The following SEC14L4 variants were observed in gnomAD, a reference collection of about 807,000 sequenced individuals.
The protein encoded by SEC14L4 is SEC14-like protein 4.
SEC14L4 carries 42 observed loss-of-function variants against 55.1 expected under a neutral mutation model. That is an observed-to-expected ratio of 0.76 (90% CI 0.60 to 0.99). The LOEUF (loss-of-function observed/expected upper bound fraction) is 0.99. Among genes scored for constraint, SEC14L4 ranks in the 50% least tolerant of loss-of-function variants. The pLI is 0.00. For missense variants in SEC14L4, 445 were observed against 512.1 expected, an observed-to-expected ratio of 0.87 and a Z score of 1.27; for synonymous variants, 206 against 206.8, an observed-to-expected ratio of 1.00 and a Z score of 0.03.
rs1403331368 is a variant in SEC14L4, at chr22:30,490,022, C to T, written c.*85G>A. On this transcript the variant is annotated 3_prime_UTR_variant, in exon 12 of 12. Transcript: ENST00000255858. ...GACAAGTGGCTCTCTGCAGCCACCTCCAGCACCACCCTGCCTGGGAAGGCA... is the reference window on the plus strand; with the variant it reads ...GACAAGTGGCTCTCTGCAGCCACCTTCAGCACCACCCTGCCTGGGAAGGCA... The T allele has an allele frequency of 2.5e-6, 4 of 1,582,288 alleles. No homozygotes were observed. The highest frequency in any genetic ancestry group is 3.4e-6 in the Non-Finnish European group (4 of 1,163,014).
chr22:30,504,799 G>C (rs958739344), intron 1 of SEC14L4, among the ~76,000 whole-genome samples: 3 of 152,168 alleles, frequency 2.0e-5, no homozygotes, highest in Non-Finnish European at 2.9e-5. Flanking sequence ...GTTTGAAGGT[G>C]AATCTGTGAA....
At position 30,491,218 on chromosome 22, in the gene SEC14L4, C is replaced by G. The variant is rs957086470; in HGVS notation, c.1081+355G>C. 2.6e-5 allele frequency among the ~76,000 whole-genome samples: 4 copies of G among 152,160 alleles called. 1 individual carries two copies. The highest frequency in any genetic ancestry group is 5.9e-5 in the Non-Finnish European group (4 of 68,024). On this transcript the variant is annotated intron_variant, in intron 11 of 11. Coordinates refer to ENST00000255858, the MANE Select transcript of SEC14L4 (RefSeq NM_174977.4). ...ATGATAAGCACCTGGAGGAAGTCAC[C>G]TCTTTGGGACTCCTGGAGTGGGGTG... is the stretch of plus-strand genomic sequence containing the variant.
At chr22:30,494,237 G>A in intron 6 of SEC14L4, 27 bp from the exon 7 acceptor site, 7 of 1,597,726 alleles carry the variant, frequency 4.4e-6, no homozygotes, top group African/African-American at 1.3e-5. Flanking sequence ...AGTCTGGTTG[G>A]GGCTCTGTTC....
intron 11 of SEC14L4, among the ~76,000 whole-genome samples, chr22:30,490,865 G>T (rs1341640786): frequency 6.6e-6 from 1 of 152,164 alleles, no homozygotes; most frequent in African/African-American, 2.4e-5. Flanking sequence ...TGCTACCCCA[G>T]GAGGAATGGG....
Position 30,492,468 on chromosome 22 carries a change from G to T in SEC14L4, c.664+6C>A. ...ATGGACACAACCAGGGGGCCACGTC[G>T]CTCACCTCCCAGAATCACAATCTTC... On this transcript the variant is annotated splice_donor_region_variant and intron_variant, in intron 8 of 11. Coordinates refer to ENST00000255858, the MANE Select transcript of SEC14L4 (RefSeq NM_174977.4). 2 of 1,611,796 alleles carry T rather than the reference G, an allele frequency of 1.2e-6. No individual in the cohort carries two copies. The highest frequency in any genetic ancestry group is 1.7e-6 in the Non-Finnish European group (2 of 1,177,936).
At position 30,490,073 on chromosome 22, in the gene SEC14L4, G is replaced by T. The variant is rs765346415; in HGVS notation, c.*34C>A. 6.2e-7 allele frequency: 1 copy of T among 1,609,550 alleles called. No homozygotes were observed. The highest frequency in any genetic ancestry group is 1.1e-5 in the South Asian group (1 of 90,460). On this transcript the variant is annotated 3_prime_UTR_variant, in exon 12 of 12. Transcript: ENST00000255858. ...GGGGTCAGAGGGGTGGGTGTGAAGGGGTTGGAGTGCACAGGTAGAGGTGGC... is the reference window on the plus strand; with the variant it reads ...GGGGTCAGAGGGGTGGGTGTGAAGGTGTTGGAGTGCACAGGTAGAGGTGGC...
At chr22:30,491,548 T>C (rs752745537) in intron 11 of SEC14L4, 25 bp downstream of exon 11, 1 of 1,613,024 alleles carries the variant, frequency 6.2e-7, no homozygotes, top group Non-Finnish European at 8.5e-7. Flanking sequence ...GGGAAAACAA[T>C]TCCAGTAAAC....
chr22:30,501,611 A>G (rs980469158), intron 2 of SEC14L4, among the ~76,000 whole-genome samples: 7 of 152,122 alleles, frequency 4.6e-5, no homozygotes, highest in African/African-American at 1.7e-4. Flanking sequence ...GGATCCTGGA[A>G]GAGAAAAATG....
chr22:30,496,124 T>C (rs9608945), intron 2 of SEC14L4, among the ~76,000 whole-genome samples, 153 bp from the exon 3 acceptor site: 5,602 of 152,196 alleles, frequency 0.037, 153 homozygotes, highest in Non-Finnish European at 0.064. Flanking sequence ...TGTTTGTTTG[T>C]GTGTTTATTT....
chr22:30,501,846 C>CACATATATATATATATATATAT (rs1371947748), intron 2 of SEC14L4, among the ~76,000 whole-genome samples: 2 of 111,906 alleles, frequency 1.8e-5, no homozygotes, highest in African/African-American at 7.1e-5. Context: ...CACACACGCA[C>CACATATATATATATATATATAT]ATATATATAT....
In SEC14L4 at chr22:30,503,749, G is replaced by A. The variant is rs1353183466; in HGVS notation, c.58C>T (p.Arg20Trp). The A allele has an allele frequency of 9.3e-6, 15 of 1,610,988 alleles. No homozygotes were observed. The highest frequency in any genetic ancestry group is 5.0e-5 in the Admixed American group (3 of 59,906). Residue 20 changes from arginine to tryptophan, a missense_variant, in exon 2 of 12, where the codon CGG becomes TGG. Transcript: ENST00000255858. ...PQQQEALARF[R>W]ENLQDLLPIL... ...GGCAGCAGGTCCTGGAGGTTCTCCCGGAACTGAGCGGAGGAGGATCTGATG... is the reference window on the plus strand; with the variant it reads ...GGCAGCAGGTCCTGGAGGTTCTCCCAGAACTGAGCGGAGGAGGATCTGATG...
At chr22:30,503,845 C>G in intron 1 of SEC14L4, 93 bp from the exon 2 acceptor site, 1 of 923,748 alleles carries the variant, frequency 1.1e-6, no homozygotes, top group South Asian at 1.4e-5. Flanking sequence ...ATCCACCAGT[C>G]AACTCCACCA....
chr22:30,491,900 C>A lies in SEC14L4; in HGVS notation c.845G>T (p.Arg282Met). Residue 282 changes from arginine to methionine, a missense_variant, in exon 10 of 12, where the codon AGG becomes ATG. Transcript: ENST00000255858. ...CAGGGAGGAGCCGCGGCCCACGGAC[C>A]TCGTGTGCTCATACTGCAGCCTCAC... ...EQVRLQYEHT[R>M]SVGRGSSLQV... The A allele has an allele frequency of 6.2e-7, 1 of 1,613,706 alleles. No individual in the cohort carries two copies. Among genetic ancestry groups the A allele is most frequent in the Non-Finnish European group, 8.5e-7 (1 of 1,179,980 alleles).
rs1007964245 is a variant in SEC14L4 at position 30,492,564 on chromosome 22, C to T, written c.581-7G>A. 1.2e-6 allele frequency: 2 copies of T among 1,609,332 alleles called. No individual in the cohort carries two copies. The highest frequency in any genetic ancestry group is 1.7e-6 in the Non-Finnish European group (2 of 1,175,742). ...ACGGGGAACAGTTTTGGGGCTGAAA[C>T]ACATGTAAATCTCTTGAGAAGCTGG... On this transcript the variant is annotated splice_region_variant and splice_polypyrimidine_tract_variant and intron_variant, in intron 7 of 11. Coordinates refer to ENST00000255858, the MANE Select transcript of SEC14L4 (RefSeq NM_174977.4).
In SEC14L4 at chr22:30,505,680, G is replaced by T; in HGVS notation, c.-69C>A. 1.4e-6 allele frequency: 2 copies of T among 1,429,384 alleles called. No individual in the cohort carries two copies. The highest frequency in any genetic ancestry group is 1.9e-6 in the Non-Finnish European group (2 of 1,065,820). 88.5% of individuals were successfully genotyped at this position (1,429,384 alleles called of 1,614,324 possible). On this transcript the variant is annotated 5_prime_UTR_variant, in exon 1 of 12. Transcript: ENST00000255858. ...CCCGCCGCCGCCTGGCCTTGTATCC[G>T]CTGCCGCCTGGTTGTGCCTCCTGGG...
chr22:30,495,114 G>T, intron 5 of SEC14L4, 140 bp downstream of exon 5: 2 of 967,700 alleles, frequency 2.1e-6, no homozygotes, highest in Non-Finnish European at 3.0e-6. Flanking sequence ...TCACTTTTAC[G>T]GGTGGGTAAG....
Position 30,503,667 on chromosome 22 carries a change from C to A in SEC14L4, c.130+10G>T. 1 of 1,605,680 alleles carries A rather than the reference C, an allele frequency of 6.2e-7. No homozygotes were observed. Among genetic ancestry groups the A allele is most frequent in the Non-Finnish European group, 8.5e-7 (1 of 1,173,122 alleles). ...CCCTTTCTGCGTCCCCTGACCCCTG[C>A]AAGCCTCACCTCGCAGCCAGCGCAG... On this transcript the variant is annotated intron_variant, in intron 2 of 11. Transcript: ENST00000255858.
intron 2 of SEC14L4, among the ~76,000 whole-genome samples, chr22:30,501,878 T>TATAC (rs1252400924): frequency 6.4e-5 from 9 of 139,678 alleles, no homozygotes; most frequent in African/African-American, 2.4e-4. Context: ...TATATATACA[T>TATAC]ACACATACTT....
In SEC14L4 at chr22:30,492,518, G is replaced by A. The variant is rs145618105; in HGVS notation, c.620C>T (p.Ser207Leu). 455 of 1,613,994 alleles carry A rather than the reference G, an allele frequency of 2.8e-4. 2 individuals carry two copies. The African/African-American group carries it at 5.5e-3, about 20-fold the overall frequency. ...CCTGCGTGTCTCCTCACTCATGAAC[G>A]ACTTGACCAAGTTGAAGGCCACGGG... ...LFPVAFNLVKSFMSEETRRKI... is the reference protein window; with the variant it reads ...LFPVAFNLVKLFMSEETRRKI... The change falls in exon 8 of 12, where the codon TCG (serine) becomes TTG (leucine). Residue 207 changes from serine (S) to leucine (L), a missense_variant. By Grantham distance (145) the Ser-to-Leu change is moderately radical. Coordinates refer to ENST00000255858, the MANE Select transcript of SEC14L4 (RefSeq NM_174977.4).
Sources: allele counts gnomAD v4.1 joint callset (sites outside exome capture counted in the v4.1 genomes callset), GRCh38; gene constraint gnomAD v4.1.1; transcripts MANE v1.5; gene names NCBI Gene and HGNC (gene_info 2026-07-23, HGNC 2026-07-21).